Variants in APOLD1 observed in about 807,000 individuals in gnomAD.
The protein encoded by APOLD1 is apolipoprotein L domain-containing protein 1.
Under a neutral mutation model 15.3 loss-of-function variants are expected in APOLD1, and 22 were observed. The ratio of observed to expected loss-of-function variants is 1.44; its 90% CI spans 1.03 to 2.05. APOLD1 has a LOEUF of 2.05. APOLD1 is among the 30% of genes most tolerant of loss of function. The probability of loss-of-function intolerance (pLI) is 0.00; values close to 1 mark genes in which losing one functional copy is unlikely to be tolerated. For synonymous variants in APOLD1, 190 were observed against 167.4 expected (o/e 1.13, Z -1.04); for missense variants, 394 against 353.5 (o/e 1.11, Z -0.92).
chr12:12,742,696 G>A (rs965134483), intron 1 of APOLD1, among the ~76,000 whole-genome samples: 23 of 151,716 alleles, frequency 1.5e-4, no homozygotes, highest in African/African-American at 4.8e-4. Context: ...CCTGGGAGGC[G>A]GAGGTTCCAG....
At chr12:12,748,749 T>C (rs1207501606) in intron 1 of APOLD1, among the ~76,000 whole-genome samples, 3 of 152,174 alleles carry the variant, frequency 2.0e-5, no homozygotes, top group African/African-American at 7.2e-5. Context: ...GGGAGCCCTC[T>C]TACTAGGCAG....
intron 1 of APOLD1, chr12:12,771,799 T>A (rs769212279): frequency 5.3e-5 from 11 of 207,490 alleles, no homozygotes; most frequent in Non-Finnish European, 9.8e-5. Context: ...TATGTATAAG[T>A]GAAACAAATG....
At chr12:12,776,082 C>T (rs1947031966) in intron 1 of APOLD1, among the ~76,000 whole-genome samples, 1 of 149,800 alleles carries the variant, frequency 6.7e-6, no homozygotes, top group Non-Finnish European at 1.5e-5. Flanking sequence ...ATAATAATGA[C>T]CAACTTTCAG....
intron 1 of APOLD1, among the ~76,000 whole-genome samples, chr12:12,732,215 G>A (rs937856418): frequency 6.6e-6 from 1 of 152,170 alleles, no homozygotes; most frequent in Non-Finnish European, 1.5e-5. Flanking sequence ...ACTATGCTAT[G>A]CAATAAATGG....
At chr12:12,775,710 T>A (rs554868706) in intron 1 of APOLD1, among the ~76,000 whole-genome samples, 132 of 152,254 alleles carry the variant, frequency 8.7e-4, no homozygotes, top group African/African-American at 2.8e-3. Context: ...CTACATTTTT[T>A]AAAAAACGAT....
chr12:12,752,166 T>C (rs1946817149), intron 1 of APOLD1, among the ~76,000 whole-genome samples: 1 of 152,260 alleles, frequency 6.6e-6, no homozygotes, highest in Non-Finnish European at 1.5e-5. Context: ...AGAAGGAACT[T>C]GATTTTATCT....
chr12:12,753,465 C>A (rs1215081133), intron 1 of APOLD1, among the ~76,000 whole-genome samples: 1 of 152,062 alleles, frequency 6.6e-6, no homozygotes, highest in Non-Finnish European at 1.5e-5. Flanking sequence ...GAGTTTGAGA[C>A]CAGCCTGGGC....
At chr12:12,758,447 A>C (rs1592299296) in intron 1 of APOLD1, among the ~76,000 whole-genome samples, 1 of 152,084 alleles carries the variant, frequency 6.6e-6, no homozygotes, top group Non-Finnish European at 1.5e-5. Flanking sequence ...AAGGAGTCTG[A>C]GGCAAGAGAA....
chr12:12,730,481 G>C (rs1340287854), intron 1 of APOLD1, among the ~76,000 whole-genome samples: 5 of 151,472 alleles, frequency 3.3e-5, no homozygotes, highest in African/African-American at 1.2e-4. Context: ...AGGAATTGGA[G>C]ACCAGTCTGG....
At chr12:12,769,730 G>T (rs1046961830) in intron 1 of APOLD1, among the ~76,000 whole-genome samples, 6 of 152,308 alleles carry the variant, frequency 3.9e-5, no homozygotes, top group African/African-American at 1.4e-4. Context: ...TGATCTGGGG[G>T]AAGGGAAATA....
At chr12:12,727,843 T>G (rs1317448232) in intron 1 of APOLD1, among the ~76,000 whole-genome samples, 2 of 151,666 alleles carry the variant, frequency 1.3e-5, no homozygotes, top group Non-Finnish European at 2.9e-5. Context: ...CAAATGATTC[T>G]CCTGCCTTGG....
chr12:12,786,693 G>C, intron 1 of APOLD1: 1 of 985,428 alleles, frequency 1.0e-6, no homozygotes, highest in Non-Finnish European at 1.2e-6. Context: ...CATATGCAGA[G>C]ATAAGGTCCT....
chr12:12,752,757 G>A (rs986895691), intron 1 of APOLD1, among the ~76,000 whole-genome samples: 5 of 152,204 alleles, frequency 3.3e-5, no homozygotes, highest in South Asian at 2.1e-4. Context: ...AAAATATAGC[G>A]GACACTAAGA....
upstream of APOLD1, among the ~76,000 whole-genome samples, chr12:12,783,057 T>C (rs1947096452): frequency 6.6e-6 from 1 of 150,576 alleles, no homozygotes; most frequent in Admixed American, 6.6e-5. Context: ...AATACAAAAA[T>C]TAGCCAGGTG....
intron 1 of APOLD1, among the ~76,000 whole-genome samples, chr12:12,770,655 AAGG>A (rs1946980399): frequency 6.6e-6 from 1 of 151,786 alleles, no homozygotes; most frequent in South Asian, 2.1e-4. Flanking sequence ...AGAATACCAG[AAGG>A]AGAAGAAAGA....
intron 1 of APOLD1, among the ~76,000 whole-genome samples, chr12:12,734,896 C>T (rs926850452): frequency 3.3e-5 from 5 of 152,048 alleles, no homozygotes; most frequent in Admixed American, 2.0e-4. Context: ...CTCCACAAGG[C>T]GTCACAGCTG....
At chr12:12,760,678 A>C (rs1032938434) in intron 1 of APOLD1, among the ~76,000 whole-genome samples, 3 of 151,922 alleles carry the variant, frequency 2.0e-5, no homozygotes, top group Non-Finnish European at 4.4e-5. Flanking sequence ...AAACAACCAA[A>C]CAAACAAAAC....
intron 1 of APOLD1, among the ~76,000 whole-genome samples, chr12:12,761,570 ACACACACATACT>A (rs142205327): frequency 0.024 from 3,613 of 152,124 alleles, 87 homozygotes; most frequent in Non-Finnish European, 0.041. Flanking sequence ...AAGCATATAC[ACACACACATACT>A]CACACACAAG....
intron 1 of APOLD1, among the ~76,000 whole-genome samples, chr12:12,773,973 TA>T (rs1434331585): frequency 1.5e-4 from 23 of 152,048 alleles, no homozygotes; most frequent in African/African-American, 5.3e-4. Flanking sequence ...GAGTAAAACA[TA>T]AAACTATAAA....
Sources: allele counts gnomAD v4.1 joint callset (sites outside exome capture counted in the v4.1 genomes callset), GRCh38; gene constraint gnomAD v4.1.1; transcripts MANE v1.5; gene names NCBI Gene and HGNC (gene_info 2026-07-23, HGNC 2026-07-21).